The following FGF13 variants were observed in gnomAD, a reference collection of about 807,000 sequenced individuals.
FGF13 encodes fibroblast growth factor 13, also known as fibroblast growth factor homologous factor 2.
Under a neutral mutation model 19.5 loss-of-function variants are expected in FGF13, and 2 were observed. The ratio of observed to expected loss-of-function variants is 0.10; its 90% CI spans 0.04 to 0.32. FGF13 has a LOEUF of 0.32. Among genes scored for constraint, FGF13 ranks in the 10% least tolerant of loss-of-function variants. The probability of loss-of-function intolerance (pLI) is 1.00; values close to 1 mark genes in which losing one functional copy is unlikely to be tolerated. For missense variants in FGF13, 113 were observed against 192.7 expected (o/e 0.59, Z 2.45); for synonymous variants, 72 against 76.9 (o/e 0.94, Z 0.33).
chrX:139,178,058 C>A (rs1264687481), intron 1 of FGF13, among the ~76,000 whole-genome samples: 1 of 111,860 alleles, frequency 8.9e-6, no homozygotes, highest in Non-Finnish European at 1.9e-5. Flanking sequence ...TCTAACCAGG[C>A]CCAATGAGAT....
chrX:139,114,093 G>T (rs1356300438), intron 1 of FGF13, among the ~76,000 whole-genome samples: 1 of 111,931 alleles, frequency 8.9e-6, no homozygotes, highest in Non-Finnish European at 1.9e-5. Context: ...TCAGGGCCTG[G>T]TTAACCGGAA....
intron 3 of FGF13, among the ~76,000 whole-genome samples, chrX:138,650,354 A>T (rs886667945): frequency 8.9e-6 from 1 of 112,221 alleles, no homozygotes; most frequent in Non-Finnish European, 1.9e-5. Context: ...AAATGTGATT[A>T]TCCTAGAGCA....
At chrX:138,791,051 T>A (rs1456624746) in intron 3 of FGF13, among the ~76,000 whole-genome samples, 1 of 112,136 alleles carries the variant, frequency 8.9e-6, no homozygotes, top group Non-Finnish European at 1.9e-5. Flanking sequence ...ACCCCATAAA[T>A]ATATACAACT....
intron 1 of FGF13, among the ~76,000 whole-genome samples, chrX:139,185,536 A>C (rs552580322): frequency 6.4e-4 from 71 of 111,767 alleles, no homozygotes; most frequent in African/African-American, 2.1e-3. Flanking sequence ...TTGCTACAAG[A>C]CTATGCAGAG....
At chrX:138,733,312 G>A (rs1453868764) in intron 1 of FGF13, among the ~76,000 whole-genome samples, 1 of 111,655 alleles carries the variant, frequency 9.0e-6, no homozygotes, top group Non-Finnish European at 1.9e-5. Context: ...AATGTTTAAA[G>A]AATGTTTAAG....
At chrX:138,938,764 T>C (rs1050396315) in intron 1 of FGF13, among the ~76,000 whole-genome samples, 8 of 112,070 alleles carry the variant, frequency 7.1e-5, no homozygotes, top group African/African-American at 2.6e-4. Flanking sequence ...AACATCTAAA[T>C]ACAGATTGCT....
At chrX:138,735,760 G>A (rs1297004927) in intron 1 of FGF13, among the ~76,000 whole-genome samples, 1 of 111,550 alleles carries the variant, frequency 9.0e-6, no homozygotes, top group African/African-American at 3.2e-5. Flanking sequence ...AGCAAGCTTT[G>A]GTCAAATAAT....
chrX:138,811,312 G>A (rs1464896814), intron 3 of FGF13, among the ~76,000 whole-genome samples: 2 of 110,872 alleles, frequency 1.8e-5, no homozygotes, highest in East Asian at 5.7e-4. Flanking sequence ...GGATGAAGCT[G>A]GAAACCATCA....
chrX:139,156,812 T>G (rs2148251317), intron 1 of FGF13, among the ~76,000 whole-genome samples: 1 of 112,415 alleles, frequency 8.9e-6, no homozygotes, highest in South Asian at 3.8e-4. Flanking sequence ...ATGTTTAAGC[T>G]TTATGGGCCA....
chrX:138,996,830 T>C (rs1345466240), intron 1 of FGF13, among the ~76,000 whole-genome samples: 1 of 112,262 alleles, frequency 8.9e-6, no homozygotes, highest in Non-Finnish European at 1.9e-5. Flanking sequence ...CGAGCTCTGA[T>C]AACAGACAGA....
chrX:139,061,592 T>C lies in FGF13; in HGVS notation c.-113+141824A>G, dbSNP rs779151558. Among the ~76,000 whole-genome samples, 8 of 106,973 alleles carry C rather than the reference T, an allele frequency of 7.5e-5. No individual in the cohort carries two copies. The East Asian group carries it at 2.0e-3, about 27-fold the overall frequency. The allele number at this position is 106,973 out of a possible 115,157, so 92.9% of individuals were successfully genotyped here. A position where few individuals can be genotyped will look rare whatever the true frequency, so the allele number is the denominator to read the frequency against. ...CCTTGGACTTTCCAGCCTCCAGAAT[T>C]GCAATAAATAAACTTATTTTTTTTT... On this transcript the variant is annotated intron_variant, in intron 1 of 2. Transcript: ENST00000421460.
At position 138,629,491 on chromosome X, in the gene FGF13, G is replaced by A. The variant is rs1028764880; in HGVS notation, c.*3359C>T. The A allele has an allele frequency of 2.7e-5, 3 of 110,758 alleles. No individual in the cohort carries two copies. The highest frequency in any genetic ancestry group is 5.7e-5 in the Non-Finnish European group (3 of 52,981). 9.1% of individuals were successfully genotyped at this position (110,758 alleles called of 1,213,427 possible). On this transcript the variant is annotated 3_prime_UTR_variant, in exon 5 of 5. Coordinates refer to ENST00000315930, the MANE Select transcript of FGF13 (RefSeq NM_004114.5). ...CGGTTTCCCCATGCTGTCTCATATA[G>A]TGAGGAAGTTCTCACTAAATCTGTT... is the stretch of plus-strand genomic sequence containing the variant.
intron 3 of FGF13, among the ~76,000 whole-genome samples, chrX:138,690,284 C>A (rs1436785492): frequency 9.0e-6 from 1 of 111,082 alleles, no homozygotes; most frequent in Non-Finnish European, 1.9e-5. Context: ...ACTTTCTGTT[C>A]CTCAAAATAT....
rs73581261 is a variant in FGF13 at position 139,030,666 on chromosome X, T to A, written c.-112-166016A>T. 5.6e-3 allele frequency among the ~76,000 whole-genome samples: 630 copies of A among 111,678 alleles called. 5 individuals are homozygous for A. Among genetic ancestry groups the A allele is most frequent in the African/African-American group, 0.02 (601 of 30,744 alleles). On this transcript the variant is annotated intron_variant, in intron 1 of 2. Transcript: ENST00000421460. ...TGGGACGACTAGAGCAGCTAAGGGC[T>A]GGTCAGACATCTCTCTCCCTCCATG...
At chrX:139,070,526 G>C (rs2092373210) in intron 1 of FGF13, among the ~76,000 whole-genome samples, 1 of 112,212 alleles carries the variant, frequency 8.9e-6, no homozygotes, top group Admixed American at 9.4e-5. Flanking sequence ...TTACACTGTT[G>C]GTGGGAGTGT....
At chrX:138,964,760 G>A (rs2091888290) in intron 1 of FGF13, among the ~76,000 whole-genome samples, 1 of 110,830 alleles carries the variant, frequency 9.0e-6, no homozygotes, top group Admixed American at 9.6e-5. Flanking sequence ...GACGGGAGGG[G>A]TGCCAGGCTC....
intron 1 of FGF13, among the ~76,000 whole-genome samples, chrX:138,875,862 G>A (rs750592119): frequency 3.2e-4 from 36 of 111,678 alleles, no homozygotes; most frequent in African/African-American, 1.1e-3. Flanking sequence ...GTTCTCAGGC[G>A]TTTGGACTTG....
intron 1 of FGF13, among the ~76,000 whole-genome samples, chrX:139,073,226 C>T (rs894053075): frequency 2.8e-5 from 3 of 107,167 alleles, no homozygotes; most frequent in Non-Finnish European, 5.8e-5. Context: ...ACAAAACTCA[C>T]GAACACTTGG....
At chrX:138,724,437 C>T (rs2090170212) in intron 1 of FGF13, among the ~76,000 whole-genome samples, 1 of 111,451 alleles carries the variant, frequency 9.0e-6, no homozygotes, top group Admixed American at 9.5e-5. Flanking sequence ...TCATACAAAG[C>T]TGGGTATGTG....
Sources: allele counts gnomAD v4.1 joint callset (sites outside exome capture counted in the v4.1 genomes callset), GRCh38; gene constraint gnomAD v4.1.1; transcripts MANE v1.5; gene names NCBI Gene and HGNC (gene_info 2026-07-23, HGNC 2026-07-21).